Variants in LRRC4C observed in about 807,000 individuals in gnomAD.
LRRC4C encodes the protein leucine rich repeat containing 4C.
Under a neutral mutation model 33.6 loss-of-function variants are expected in LRRC4C, and 5 were observed. The observed-to-expected ratio is 0.15, with a 90% CI of 0.08 to 0.31. The LOEUF is 0.31. Ranked by LOEUF, LRRC4C falls within the 10% of genes least tolerant of loss-of-function variation. The pLI is 1.00. For missense variants in LRRC4C, 560 were observed against 796.7 expected (o/e 0.70, Z 3.58); for synonymous variants, 329 against 302.0 (o/e 1.09, Z -0.93).
intron 3 of LRRC4C, among the ~76,000 whole-genome samples, chr11:40,493,580 G>A (rs1335630644): frequency 6.6e-6 from 1 of 152,114 alleles, no homozygotes; most frequent in Non-Finnish European, 1.5e-5. Flanking sequence ...TGATTGATGT[G>A]TACTCAGAAT....
chr11:41,323,336 A>C (rs1182757789), intron 1 of LRRC4C, among the ~76,000 whole-genome samples: 2 of 152,176 alleles, frequency 1.3e-5, no homozygotes, highest in African/African-American at 4.8e-5. Flanking sequence ...ATCTTTTCCA[A>C]GAGAAATGAT....
chr11:41,404,515 C>CAT (rs1486046869), intron 1 of LRRC4C, among the ~76,000 whole-genome samples: 1 of 126,702 alleles, frequency 7.9e-6, no homozygotes, highest in Non-Finnish European at 1.6e-5. Flanking sequence ...CAGACACACA[C>CAT]ACAGACACAA....
At chr11:41,215,712 C>T (rs1375483241) in intron 1 of LRRC4C, among the ~76,000 whole-genome samples, 4 of 152,062 alleles carry the variant, frequency 2.6e-5, no homozygotes, top group Non-Finnish European at 4.4e-5. Context: ...TGTATCAGTA[C>T]TTTCTATTGT....
chr11:40,891,068 A>G (rs1375957740), intron 2 of LRRC4C, among the ~76,000 whole-genome samples: 1 of 152,096 alleles, frequency 6.6e-6, no homozygotes, highest in Non-Finnish European at 1.5e-5. Flanking sequence ...TGTCTCTACT[A>G]AAAATACAAA....
chr11:41,458,716 C>T (rs1247354322), intron 1 of LRRC4C, among the ~76,000 whole-genome samples: 1 of 151,754 alleles, frequency 6.6e-6, no homozygotes, highest in African/African-American at 2.4e-5. Context: ...TCTCGGGGGA[C>T]CATGTAGGGT....
chr11:40,826,561 A>G (rs1311905436), intron 2 of LRRC4C, among the ~76,000 whole-genome samples: 1 of 151,930 alleles, frequency 6.6e-6, no homozygotes, highest in Non-Finnish European at 1.5e-5. Context: ...GAAACCACCT[A>G]AAAGTCATTA....
At chr11:41,034,563 T>C (rs1419388472) in intron 1 of LRRC4C, among the ~76,000 whole-genome samples, 1 of 140,422 alleles carries the variant, frequency 7.1e-6, no homozygotes, top group Non-Finnish European at 1.5e-5. Context: ...AAACTTCCTT[T>C]TAAAAATTTG....
At chr11:41,284,028 A>C (rs529736036) in intron 1 of LRRC4C, among the ~76,000 whole-genome samples, 3 of 152,346 alleles carry the variant, frequency 2.0e-5, no homozygotes, top group African/African-American at 7.2e-5. Context: ...CTGACATAAA[A>C]ACTCAAATGT....
intron 1 of LRRC4C, among the ~76,000 whole-genome samples, chr11:41,084,249 A>C (rs1939791474): frequency 6.6e-6 from 1 of 152,098 alleles, no homozygotes; most frequent in Non-Finnish European, 1.5e-5. Flanking sequence ...GGAACTTTGG[A>C]GTAAGAGAGA....
chr11:40,409,925 A>C (rs1435178546), intron 3 of LRRC4C, among the ~76,000 whole-genome samples: 1 of 152,124 alleles, frequency 6.6e-6, no homozygotes, highest in Non-Finnish European at 1.5e-5. Context: ...TACAGTGAAT[A>C]TATATTTCAA....
intron 3 of LRRC4C, among the ~76,000 whole-genome samples, chr11:40,547,736 T>C (rs1956981371): frequency 6.6e-6 from 1 of 152,074 alleles, no homozygotes; most frequent in Admixed American, 6.6e-5. Flanking sequence ...TAATGCAATC[T>C]TTACAGGTAT....
At chr11:41,429,685 T>C (rs904811990) in intron 1 of LRRC4C, among the ~76,000 whole-genome samples, 4 of 152,114 alleles carry the variant, frequency 2.6e-5, no homozygotes, top group African/African-American at 9.7e-5. Context: ...ACATGGCCAC[T>C]GCAGTGAATA....
chr11:41,246,909 ACAC>A (rs1368997237), intron 1 of LRRC4C, among the ~76,000 whole-genome samples: 2 of 152,198 alleles, frequency 1.3e-5, no homozygotes, highest in African/African-American at 4.8e-5. Context: ...ATTATAAGAA[ACAC>A]CTTTTCAGAA....
intron 2 of LRRC4C, among the ~76,000 whole-genome samples, chr11:40,738,160 C>T (rs1388089743): frequency 3.3e-5 from 5 of 152,132 alleles, no homozygotes; most frequent in Admixed American, 6.5e-5. Context: ...GGAAAACTGG[C>T]TAGCCATATA....
chr11:40,526,205 A>C (rs1202659313), intron 3 of LRRC4C, among the ~76,000 whole-genome samples: 1 of 152,196 alleles, frequency 6.6e-6, no homozygotes, highest in Non-Finnish European at 1.5e-5. Context: ...AGGACACAGA[A>C]AATGCCAAGC....
At chr11:40,165,658 A>G (rs1859528277) in intron 5 of LRRC4C, among the ~76,000 whole-genome samples, 1 of 152,310 alleles carries the variant, frequency 6.6e-6, no homozygotes, top group South Asian at 2.1e-4. Flanking sequence ...TTAGATCTTA[A>G]GAACATACCG....
chr11:40,743,481 T>C (rs1462735097), intron 2 of LRRC4C, among the ~76,000 whole-genome samples: 1 of 152,140 alleles, frequency 6.6e-6, no homozygotes, highest in East Asian at 1.9e-4. Flanking sequence ...TAGGGGAAAA[T>C]CTCTTTCCTT....
intron 1 of LRRC4C, among the ~76,000 whole-genome samples, chr11:41,333,478 A>T (rs2137394369): frequency 6.6e-6 from 1 of 152,286 alleles, no homozygotes; most frequent in Non-Finnish European, 1.5e-5. Flanking sequence ...AAGTTTCAAG[A>T]CCAGACATTC....
chr11:40,716,165 T>TA (rs2136639023), intron 2 of LRRC4C, among the ~76,000 whole-genome samples: 1 of 152,216 alleles, frequency 6.6e-6, no homozygotes, highest in African/African-American at 2.4e-5. Context: ...AGTAATACCT[T>TA]AAAAAGTAAA....
Sources: gnomAD v4.1 joint callset for allele counts (sites outside exome capture counted in the v4.1 genomes callset) on GRCh38, gnomAD v4.1.1 for gene constraint, MANE v1.5 for transcripts, NCBI Gene and HGNC (gene_info 2026-07-23, HGNC 2026-07-21) for gene names.